The following PLXNA2 variants were observed in gnomAD, a reference collection of about 807,000 sequenced individuals.
PLXNA2 encodes the protein plexin-A2.
Under a neutral mutation model 193.5 loss-of-function variants are expected in PLXNA2, and 91 were observed. The ratio of observed to expected loss-of-function variants is 0.47; its 90% confidence interval spans 0.40 to 0.56. PLXNA2 has a LOEUF of 0.56. Ranked by LOEUF, PLXNA2 falls within the 20% of genes least tolerant of loss-of-function variation. The pLI is 0.00. For missense variants in PLXNA2, 1,995 were observed against 2,503.2 expected, an observed-to-expected ratio of 0.80 and a Z score of 4.33; for synonymous variants, 997 against 1,027.3, an observed-to-expected ratio of 0.97 and a Z score of 0.56.
chr1:208,141,307 G>A (rs939303883), intron 4 of PLXNA2, among the ~76,000 whole-genome samples: 10 of 152,166 alleles, frequency 6.6e-5, no homozygotes, highest in African/African-American at 2.4e-4. Context: ...AGAAAAGAAA[G>A]GAGGTAAGGA....
rs576172286 is a variant in PLXNA2, at chr1:208,038,638, G to A, written c.4661-164C>T. 6.6e-6 allele frequency among the ~76,000 whole-genome samples: 1 copy of A among 152,340 alleles called. No homozygotes were observed. The highest frequency in any genetic ancestry group is 2.4e-5 in the African/African-American group (1 of 41,580). On this transcript the variant is annotated intron_variant, in intron 25 of 31. Transcript: ENST00000367033. This position sits in a 1 kb window ranked among gnomAD's most constrained non-coding sequence, Gnocchi z 4.1. ...TAGGGCTCCATGGGCCCAGGCAGCA[G>A]AGGAAACACGTAGACCTCCCCAGAG... is the stretch of plus-strand genomic sequence containing the variant.
chr1:208,118,907 A>T (rs1173181141), intron 4 of PLXNA2, among the ~76,000 whole-genome samples: 4 of 152,234 alleles, frequency 2.6e-5, no homozygotes, highest in Non-Finnish European at 5.9e-5. Context: ...TTAGGTGCTC[A>T]CTGAACACTT....
chr1:208,229,792 A>G lies in PLXNA2; in HGVS notation c.-80-11790T>C, dbSNP rs575564632. Reference sequence around the variant, plus strand: ...TCATGGATCACATAAAAAGCACATAATAATAAAAAATGACAAATTCACAAT... The same window carrying G: ...TCATGGATCACATAAAAAGCACATAGTAATAAAAAATGACAAATTCACAAT... On this transcript the variant is annotated intron_variant, in intron 1 of 31. Coordinates refer to ENST00000367033, the MANE Select transcript of PLXNA2 (RefSeq NM_025179.4). Among the ~76,000 whole-genome samples, 37 of 152,326 alleles carry G rather than the reference A, an allele frequency of 2.4e-4. No individual in the cohort carries two copies. The South Asian group carries it at 2.7e-3, about 11-fold the overall frequency.
chr1:208,032,260 G>T (rs752152708), intron 28 of PLXNA2: 2 of 448,326 alleles, frequency 4.5e-6, no homozygotes, highest in Non-Finnish European at 5.9e-6. Flanking sequence ...GAAGGGTCTA[G>T]ACTCAAGAAC....
In PLXNA2 at chr1:208,209,983, A is replaced by AATTTTTTTT. The variant is rs34413554; in HGVS notation, c.1371+296_1371+297insAAAAAAAAT. On this transcript the variant is annotated intron_variant, in intron 3 of 31. Coordinates refer to ENST00000367033, the MANE Select transcript of PLXNA2 (RefSeq NM_025179.4). The stretch of plus-strand genomic sequence containing the variant: ...TTGCTTGATTTGGGAATGAAGAGCA[A>AATTTTTTTT]TTTTTTTTTTTTTTTTTTTTTGCTT... 5.9e-3 allele frequency: 514 copies of AATTTTTTTT among 87,840 alleles called. 117 individuals carry two copies. Among genetic ancestry groups the AATTTTTTTT allele is most frequent in the East Asian group, 8.1e-3 (20 of 2,458 alleles). The allele number at this position is 87,840 out of a possible 1,614,324, so 5.4% of individuals were successfully genotyped here. A position where few individuals can be genotyped will look rare whatever the true frequency, so the allele number is the denominator to read the frequency against.
chr1:208,045,544 G>A (rs1384322918), intron 18 of PLXNA2, among the ~76,000 whole-genome samples: 2 of 152,202 alleles, frequency 1.3e-5, no homozygotes, highest in Non-Finnish European at 2.9e-5. Context: ...GCCAGGGACT[G>A]TGACCTCTGG....
At chr1:208,194,246 G>A (rs1670279349) in intron 3 of PLXNA2, among the ~76,000 whole-genome samples, 1 of 151,724 alleles carries the variant, frequency 6.6e-6, no homozygotes, top group African/African-American at 2.4e-5. Flanking sequence ...AAACTAGAAG[G>A]CTCTTCATAG....
In PLXNA2 at chr1:208,042,078, C is replaced by A; in HGVS notation, c.4286+20G>T. On this transcript the variant is annotated intron_variant, in intron 22 of 31. Transcript: ENST00000367033. ...GTTCAGACTCCTGCCACCCTCTCCACCCACTGCTGCGGGCCAGACCTCCGG... is the reference window on the plus strand; with the variant it reads ...GTTCAGACTCCTGCCACCCTCTCCAACCACTGCTGCGGGCCAGACCTCCGG... 3 of 1,610,212 alleles carry A rather than the reference C, an allele frequency of 1.9e-6. No individual in the cohort carries two copies. The highest frequency in any genetic ancestry group is 2.5e-6 in the Non-Finnish European group (3 of 1,177,714).
At chr1:208,098,450 TCTCTCTCTCACACA>T (rs1400395900) in intron 6 of PLXNA2, among the ~76,000 whole-genome samples, 3 of 120,440 alleles carry the variant, frequency 2.5e-5, no homozygotes, top group East Asian at 5.8e-4. Context: ...TCTCTCTCTC[TCTCTCTCTCACACA>T]CACACACACA....
chr1:208,142,374 G>C lies in PLXNA2; in HGVS notation c.1461C>G (p.Ala487=), dbSNP rs779998756. 53 of 1,613,792 alleles carry C rather than the reference G, an allele frequency of 3.3e-5. No individual in the cohort carries two copies. Among genetic ancestry groups the C allele is most frequent in the Non-Finnish European group, 4.3e-5 (51 of 1,179,908 alleles). Residue 487 remains alanine, a synonymous_variant, in exon 4 of 32, where the codon GCC becomes GCG. Coordinates refer to ENST00000367033, the MANE Select transcript of PLXNA2 (RefSeq NM_025179.4). ...ACAGGTAGCGCTGATCAATGGAGAA[G>C]GCCATGTCCCGGAGGATGGGGCTTC... ...KDGSPILRDM[A]FSIDQRYLYV...
Position 208,038,814 on chromosome 1 carries a change from A to G in PLXNA2, c.4660+11T>C, listed in dbSNP as rs775643587. On this transcript the variant is annotated intron_variant, in intron 25 of 31. Coordinates refer to ENST00000367033, the MANE Select transcript of PLXNA2 (RefSeq NM_025179.4). The surrounding 1 kb of genome is among the most constrained non-coding windows in gnomAD (Gnocchi z 4.1). ...ACCCCTGCCCTCACACTCTGAGTCC[A>G]GGTTTCCTACCCAAGTCCATGTCCA... 1.2e-5 allele frequency: 20 copies of G among 1,612,488 alleles called. No individual in the cohort carries two copies. The highest frequency in any genetic ancestry group is 1.6e-5 in the Non-Finnish European group (19 of 1,179,040).
In PLXNA2 at chr1:208,042,384, G is replaced by A; in HGVS notation, c.4018-18C>T. On this transcript the variant is annotated intron_variant, in intron 21 of 31. Coordinates refer to ENST00000367033, the MANE Select transcript of PLXNA2 (RefSeq NM_025179.4). ...CCTTGTACCTGGGGTGGGGTGTGGT[G>A]GAGGCGACGCCCTCAGAGGACAGGC... 1 of 1,608,864 alleles carries A rather than the reference G, an allele frequency of 6.2e-7. No homozygotes were observed. The highest frequency in any genetic ancestry group is 8.5e-7 in the Non-Finnish European group (1 of 1,176,776).
At chr1:208,056,057 G>A (rs1263530700) in intron 13 of PLXNA2, among the ~76,000 whole-genome samples, 1 of 152,182 alleles carries the variant, frequency 6.6e-6, no homozygotes, top group Non-Finnish European at 1.5e-5. Flanking sequence ...ACCCCATTAG[G>A]GGAGCATTCG....
chr1:208,217,359 C>T lies in PLXNA2; in HGVS notation c.564G>A (p.Val188=), dbSNP rs1225771173. The T allele has an allele frequency of 6.2e-7, 1 of 1,614,056 alleles. No individual in the cohort carries two copies. Among genetic ancestry groups the T allele is most frequent in the Non-Finnish European group, 8.5e-7 (1 of 1,180,050 alleles). The change falls in exon 2 of 32, where the codon GTG becomes GTA. Residue 188 remains valine (V), a synonymous_variant. Transcript: ENST00000367033. The surrounding 1 kb of genome is among the most constrained non-coding windows in gnomAD (Gnocchi z 4.7). ...EDGKLFIGTA[V]DGKQDYFPTL... is the part of the protein sequence containing the mutation. ...TCGGGAAGTAATCCTGCTTCCCATC[C>T]ACAGCCGTGCCGATGAAGAGCTTGC...
chr1:208,096,615 T>G, intron 7 of PLXNA2, 115 bp downstream of exon 7: 1 of 1,252,346 alleles, frequency 8.0e-7, no homozygotes, highest in Non-Finnish European at 1.1e-6. Context: ...ACAAGTTGTC[T>G]AAGCCAATAT....
intron 12 of PLXNA2, among the ~76,000 whole-genome samples, chr1:208,075,845 G>A (rs556882554): frequency 3.7e-4 from 57 of 152,120 alleles, no homozygotes; most frequent in Admixed American, 6.5e-4. Context: ...GATCACTTGA[G>A]GTCAGGAGTT....
chr1:208,072,695 G>C (rs1425676853), intron 12 of PLXNA2, among the ~76,000 whole-genome samples: 1 of 152,134 alleles, frequency 6.6e-6, no homozygotes, highest in Non-Finnish European at 1.5e-5. Context: ...TCCCCCAAAA[G>C]GCAAGAAATG....
intron 2 of PLXNA2, among the ~76,000 whole-genome samples, chr1:208,211,581 T>A (rs1189077273): frequency 6.6e-6 from 1 of 151,678 alleles, no homozygotes; most frequent in Admixed American, 6.6e-5. Context: ...TAGTCCCAGC[T>A]ACTTGGGAGG....
In PLXNA2 at chr1:208,236,538, G is replaced by A. The variant is rs1295981863; in HGVS notation, c.-81+7105C>T. On this transcript the variant is annotated intron_variant, in intron 1 of 31. Coordinates refer to ENST00000367033, the MANE Select transcript of PLXNA2 (RefSeq NM_025179.4). This position sits in a 1 kb window ranked among gnomAD's most constrained non-coding sequence, Gnocchi z 4.4. ...GGTGGAGCACACTGCCTGGCCGGCT[G>A]CTCCCTCTAACCCCTGCTCAAAGGT... Among the ~76,000 whole-genome samples the A allele has an allele frequency of 6.6e-6, 1 of 152,152 alleles. No individual in the cohort carries two copies. Among genetic ancestry groups the A allele is most frequent in the Non-Finnish European group, 1.5e-5 (1 of 68,026 alleles).
Sources: gnomAD v4.1 joint callset for allele counts (sites outside exome capture counted in the v4.1 genomes callset) on GRCh38, gnomAD v4.1.1 for gene constraint, Gnocchi (gnomAD v3.1) non-coding constraint, MANE v1.5 for transcripts, NCBI Gene and HGNC (gene_info 2026-07-23, HGNC 2026-07-21) for gene names.